The following AKAP12 variants were observed in gnomAD, a reference collection of about 807,000 sequenced individuals.
The protein encoded by AKAP12 is A-kinase anchoring protein 12.
In AKAP12, 32 loss-of-function variants were observed where a neutral mutation model predicts 79.9. That is an observed-to-expected ratio of 0.40 (90% CI 0.30 to 0.54). The LOEUF (loss-of-function observed/expected upper bound fraction) is 0.54, where lower values mean the gene tolerates loss of function less well. Among genes scored for constraint, AKAP12 ranks in the 20% least tolerant of loss-of-function variants. AKAP12 has a pLI of 0.48. For synonymous variants in AKAP12, 808 were observed against 857.0 expected (o/e 0.94, Z 1.00); for missense variants, 2,074 against 2,177.0 (o/e 0.95, Z 0.94).
At chr6:151,316,657 G>A (rs1777242445) in intron 3 of AKAP12, among the ~76,000 whole-genome samples, 2 of 152,096 alleles carry the variant, frequency 1.3e-5, no homozygotes, top group South Asian at 2.1e-4. Flanking sequence ...TTGAGACACG[G>A]TATCGCTCTG....
At chr6:151,289,235 G>A (rs993418182) in intron 2 of AKAP12, among the ~76,000 whole-genome samples, 3 of 152,178 alleles carry the variant, frequency 2.0e-5, no homozygotes, top group African/African-American at 7.2e-5. Flanking sequence ...CAGCCCTCGA[G>A]CGCAGACGGG....
chr6:151,280,186 C>G (rs999412600), intron 2 of AKAP12, among the ~76,000 whole-genome samples: 23 of 151,948 alleles, frequency 1.5e-4, no homozygotes, highest in Non-Finnish European at 2.2e-4. Context: ...TGGATATACT[C>G]TATATTTTTA....
At chr6:151,241,099 C>T (rs749476759) in intron 2 of AKAP12, among the ~76,000 whole-genome samples, 4 of 152,202 alleles carry the variant, frequency 2.6e-5, no homozygotes, top group Non-Finnish European at 5.9e-5. Flanking sequence ...GAGAATGGAC[C>T]CCGGGCCGGG....
intron 2 of AKAP12, among the ~76,000 whole-genome samples, chr6:151,261,157 G>A (rs1797422046): frequency 6.6e-6 from 1 of 151,976 alleles, no homozygotes; most frequent in African/African-American, 2.4e-5. Flanking sequence ...GGAGACCAGC[G>A]TGGGTGGGTC....
intron 2 of AKAP12, among the ~76,000 whole-genome samples, chr6:151,270,921 G>T (rs926557): frequency 0.43 from 65,455 of 152,046 alleles, 15,061 homozygotes; most frequent in African/African-American, 0.58. Flanking sequence ...TTATGCACTC[G>T]TAGCAATCGA....
At chr6:151,269,152 T>C (rs914273586) in intron 2 of AKAP12, among the ~76,000 whole-genome samples, 1 of 151,960 alleles carries the variant, frequency 6.6e-6, no homozygotes. Flanking sequence ...CAGTTGAATG[T>C]AGACAGTACA....
intron 3 of AKAP12, among the ~76,000 whole-genome samples, chr6:151,345,940 A>T (rs1282281664): frequency 0.032 from 4,614 of 144,284 alleles, 107 homozygotes; most frequent in East Asian, 0.095. Context: ...TGTGAGAGAG[A>T]GAGAGAGAGA....
chr6:151,240,545 G>A lies in AKAP12; in HGVS notation c.-18G>A. 1 of 1,430,598 alleles carries A rather than the reference G, an allele frequency of 7.0e-7. No homozygotes were observed. The highest frequency in any genetic ancestry group is 2.9e-5 in the Admixed American group (1 of 34,944). 88.6% of individuals were successfully genotyped at this position (1,430,598 alleles called of 1,614,324 possible). Reference sequence around the variant, plus strand: ...GGCGTAACCCGGCGGCTAGGCGCGGGAGAAGTGCGGAGGAGCCATGGGCGC... The same window carrying A: ...GGCGTAACCCGGCGGCTAGGCGCGGAAGAAGTGCGGAGGAGCCATGGGCGC... On this transcript the variant is annotated 5_prime_UTR_variant, in exon 2 of 5. Coordinates refer to ENST00000402676, the MANE Select transcript of AKAP12 (RefSeq NM_005100.4).
intron 3 of AKAP12, among the ~76,000 whole-genome samples, chr6:151,338,068 A>G (rs1049764401): frequency 2.0e-5 from 3 of 152,206 alleles, no homozygotes; most frequent in Non-Finnish European, 4.4e-5. Flanking sequence ...AAAGTAAGTT[A>G]TATACATCAT....
rs777088062 is a variant in AKAP12, at chr6:151,352,549, A to G, written c.4158A>G (p.Ala1386=). ...QTVNVPIIDG[A]KEVSSLEGSP... is the part of the protein sequence containing the mutation. Reference sequence around the variant, plus strand: ...TGAATGTGCCCATCATAGATGGGGCAAAGGAAGTCAGCAGTTTGGAAGGAA... The same window carrying G: ...TGAATGTGCCCATCATAGATGGGGCGAAGGAAGTCAGCAGTTTGGAAGGAA... Residue 1386 remains alanine, a synonymous_variant, in exon 4 of 5, where the codon GCA becomes GCG. Transcript: ENST00000402676. The G allele has an allele frequency of 2.5e-6, 4 of 1,614,204 alleles. No individual in the cohort carries two copies. In the South Asian group the frequency reaches 4.4e-5, roughly 18 times the overall value.
chr6:151,295,752 G>C (rs888096459), intron 2 of AKAP12, among the ~76,000 whole-genome samples: 2 of 152,216 alleles, frequency 1.3e-5, no homozygotes, highest in African/African-American at 4.8e-5. Context: ...TCGGCAGTTG[G>C]TGGGATGATG....
chr6:151,258,006 A>G (rs1156351080), intron 2 of AKAP12, among the ~76,000 whole-genome samples: 1 of 152,210 alleles, frequency 6.6e-6, no homozygotes, highest in African/African-American at 2.4e-5. Context: ...TTGTAGAACT[A>G]ATTTCTATGG....
chr6:151,352,845 C>T lies in AKAP12; in HGVS notation c.4454C>T (p.Pro1485Leu), dbSNP rs1263005805. The T allele has an allele frequency of 6.2e-7, 1 of 1,614,122 alleles. No individual in the cohort carries two copies. The highest frequency in any genetic ancestry group is 1.7e-5 in the Admixed American group (1 of 60,014). ...TGPDCQAKST[P>L]VIVSATTKKG... ...CCCGACTGTCAGGCAAAATCGACACCAGTGATAGTATCTGCTACTACCAAG... is the reference window on the plus strand; with the variant it reads ...CCCGACTGTCAGGCAAAATCGACACTAGTGATAGTATCTGCTACTACCAAG... Residue 1485 changes from proline (P) to leucine (L), a missense_variant, in exon 4 of 5, where the codon CCA becomes CTA. Pro to Leu is a moderately conservative substitution (Grantham distance 98). Around this residue, in one of 3 missense-constraint regions of AKAP12, gnomAD observed 614 missense variants for 665.6 expected, o/e 0.92. Transcript: ENST00000402676.
At chr6:151,273,132 C>T (rs985476539) in intron 2 of AKAP12, among the ~76,000 whole-genome samples, 1 of 152,160 alleles carries the variant, frequency 6.6e-6, no homozygotes, top group African/African-American at 2.4e-5. Flanking sequence ...TGGTCTGGAT[C>T]TCCTGACCTT....
Position 151,348,789 on chromosome 6 carries a change from ACAT to A in AKAP12, c.401_403del (p.Ile134del). ...GCTACTAAGTCAGCGGTTGTTCACGACATCACAGATGATGGGCAGGAGGAGACA... is the reference window on the plus strand; with the variant it reads ...GCTACTAAGTCAGCGGTTGTTCACGACACAGATGATGGGCAGGAGGAGACA... On this transcript the variant is annotated inframe_deletion, in exon 4 of 5. Coordinates refer to ENST00000402676, the MANE Select transcript of AKAP12 (RefSeq NM_005100.4). 2 of 1,610,420 alleles carry A rather than the reference ACAT, an allele frequency of 1.2e-6. No homozygotes were observed. The highest frequency in any genetic ancestry group is 1.7e-6 in the Non-Finnish European group (2 of 1,179,542).
chr6:151,341,938 C>T (rs1366221220), intron 3 of AKAP12, among the ~76,000 whole-genome samples: 1 of 152,338 alleles, frequency 6.6e-6, no homozygotes, highest in East Asian at 1.9e-4. Context: ...TTGATCTTGC[C>T]CCAGCCCCCA....
intron 2 of AKAP12, among the ~76,000 whole-genome samples, chr6:151,274,074 T>G (rs1776244436): frequency 6.6e-6 from 1 of 150,870 alleles, no homozygotes; most frequent in East Asian, 2.0e-4. Context: ...TTTCCCTCAG[T>G]TCTTTTTTTT....
intron 2 of AKAP12, among the ~76,000 whole-genome samples, chr6:151,304,786 C>T (rs984776739): frequency 2.0e-5 from 3 of 151,764 alleles, no homozygotes; most frequent in Non-Finnish European, 2.9e-5. Flanking sequence ...ACTATGTTGG[C>T]CAGGCTGGTC....
At chr6:151,275,855 T>G (rs1776283458) in intron 2 of AKAP12, among the ~76,000 whole-genome samples, 1 of 152,238 alleles carries the variant, frequency 6.6e-6, no homozygotes, top group African/African-American at 2.4e-5. Context: ...TATGCTTATT[T>G]TTGTTGAATG....
Sources: gnomAD v4.1 joint callset for allele counts (sites outside exome capture counted in the v4.1 genomes callset) on GRCh38, gnomAD v4.1.1 for gene constraint, gnomAD v4.1.1 regional missense constraint, MANE v1.5 for transcripts, NCBI Gene and HGNC (gene_info 2026-07-23, HGNC 2026-07-21) for gene names.